SNX29: variants seen among roughly 807,000 people sequenced by gnomAD.
The protein encoded by SNX29 is sorting nexin-29.
A neutral mutation model predicts 102.1 loss-of-function variants in SNX29; 78 were observed. The ratio of observed to expected loss-of-function variants is 0.76; its 90% confidence interval spans 0.64 to 0.92. SNX29 has a LOEUF of 0.92. SNX29 is among the 40% of genes least tolerant of loss of function. The pLI is 0.00. For synonymous variants in SNX29, 580 were observed against 414.5 expected (o/e 1.40, Z -4.85); for missense variants, 1,280 against 1,061.7 (o/e 1.21, Z -2.86).
chr16:12,310,623 C>G (rs529583681), intron 15 of SNX29, among the ~76,000 whole-genome samples: 1 of 152,272 alleles, frequency 6.6e-6, no homozygotes, highest in African/African-American at 2.4e-5. Context: ...TCACTGGCGT[C>G]TGGCGACGGG....
rs954318577 is a variant in SNX29 at position 12,376,270 on chromosome 16, G to A, written c.1899+19991G>A. On this transcript the variant is annotated intron_variant, in intron 16 of 20. Coordinates refer to ENST00000566228, the MANE Select transcript of SNX29 (RefSeq NM_032167.5). Reference sequence around the variant, plus strand: ...GCACCTTTACTGGCCCCCCGGGAGCGAGTTGTCACAGGCTGAATGCCAGGT... The same window carrying A: ...GCACCTTTACTGGCCCCCCGGGAGCAAGTTGTCACAGGCTGAATGCCAGGT... 7.2e-5 allele frequency among the ~76,000 whole-genome samples: 11 copies of A among 152,260 alleles called. No homozygotes were observed. In the East Asian group the frequency reaches 1.2e-3, roughly 16 times the overall value.
intron 14 of SNX29, among the ~76,000 whole-genome samples, chr16:12,255,231 C>CGACG (rs1021082028): frequency 6.6e-6 from 1 of 151,946 alleles, no homozygotes; most frequent in Non-Finnish European, 1.5e-5. Flanking sequence ...AGTCTTGGTG[C>CGACG]GACGCCCAGG....
chr16:12,467,529 C>T lies in SNX29; in HGVS notation c.2038-10190C>T, dbSNP rs74923135. On this transcript the variant is annotated intron_variant, in intron 18 of 20. Coordinates refer to ENST00000566228, the MANE Select transcript of SNX29 (RefSeq NM_032167.5). ...AGAGGGGCAGGACCTGTCAGTAAGA[C>T]ACTCCCTGGCAGTGCTCTCATGGAC... is the stretch of plus-strand genomic sequence containing the variant. Among the ~76,000 whole-genome samples the T allele has an allele frequency of 4.4e-3, 665 of 152,294 alleles. 6 individuals are homozygous for T. Among genetic ancestry groups the T allele is most frequent in the African/African-American group, 0.016 (653 of 41,560 alleles).
At chr16:12,557,016 C>CACCG (rs1555458246) in intron 20 of SNX29, among the ~76,000 whole-genome samples, 1 of 11,916 alleles carries the variant, frequency 8.4e-5, no homozygotes, top group African/African-American at 2.1e-4. Context: ...GGCTAATTTA[C>CACCG]CCCCCCCCCG....
chr16:12,091,926 T>C (rs529873221), intron 11 of SNX29, among the ~76,000 whole-genome samples: 1 of 152,300 alleles, frequency 6.6e-6, no homozygotes, highest in African/African-American at 2.4e-5. Context: ...GACTTCCAGC[T>C]GCCAGAACTG....
chr16:12,260,578 C>T (rs2078704289), intron 14 of SNX29, among the ~76,000 whole-genome samples: 1 of 152,200 alleles, frequency 6.6e-6, no homozygotes, highest in Non-Finnish European at 1.5e-5. Context: ...TGGGGGCATC[C>T]ATGTCCTCCT....
chr16:12,211,920 T>C (rs2077195116), intron 14 of SNX29, among the ~76,000 whole-genome samples: 1 of 152,242 alleles, frequency 6.6e-6, no homozygotes, highest in East Asian at 1.9e-4. Flanking sequence ...GTGAAATATC[T>C]GGGTACTGTG....
Position 12,225,479 on chromosome 16 carries a change from T to G in SNX29, c.1678+25796T>G, listed in dbSNP as rs142341497. Among the ~76,000 whole-genome samples the G allele has an allele frequency of 5.3e-3, 806 of 152,320 alleles. 4 individuals are homozygous for G. The highest frequency in any genetic ancestry group is 0.018 in the African/African-American group (762 of 41,560). ...AACGGGACTTTCCCTGCACAAGCTCTCTCTCTTTGATGTCTGCCATCCACG... is the reference window on the plus strand; with the variant it reads ...AACGGGACTTTCCCTGCACAAGCTCGCTCTCTTTGATGTCTGCCATCCACG... On this transcript the variant is annotated intron_variant, in intron 14 of 20. Coordinates refer to ENST00000566228, the MANE Select transcript of SNX29 (RefSeq NM_032167.5).
At chr16:12,039,609 G>A (rs865925636) in intron 4 of SNX29, among the ~76,000 whole-genome samples, 1 of 152,132 alleles carries the variant, frequency 6.6e-6, no homozygotes, top group Admixed American at 6.6e-5. Context: ...CAAAGCCTTT[G>A]TCACATTTCA....
chr16:12,027,421 G>A lies in SNX29; in HGVS notation c.224G>A (p.Gly75Asp). ...LTAAAIKQAA[G>D]FASKTETEPV... ...GCGGCAGCGATCAAGCAGGCAGCGG[G>A]CTTTGCCAGCAAAACCGAAACAGGT... Residue 75 changes from glycine to aspartate, a missense_variant, in exon 4 of 21, where the codon GGC becomes GAC. Physicochemically the swap from Gly to Asp is moderately conservative, Grantham distance 94 (BLOSUM62 -1). Transcript: ENST00000566228. 6.2e-7 allele frequency: 1 copy of A among 1,614,050 alleles called. No homozygotes were observed. The highest frequency in any genetic ancestry group is 8.5e-7 in the Non-Finnish European group (1 of 1,179,976).
chr16:12,061,276 T>G (rs978582462), intron 8 of SNX29, among the ~76,000 whole-genome samples: 2 of 152,220 alleles, frequency 1.3e-5, no homozygotes, highest in Admixed American at 6.5e-5. Context: ...CAGTATTCAC[T>G]GGCTCTTTTG....
intron 18 of SNX29, among the ~76,000 whole-genome samples, chr16:12,472,318 C>T (rs373023409): frequency 1.1e-4 from 17 of 152,148 alleles, no homozygotes; most frequent in African/African-American, 4.1e-4. Context: ...GCCAGGAGTT[C>T]AAGACCAGCC....
At chr16:12,050,443 T>G (rs753432661) in intron 7 of SNX29, among the ~76,000 whole-genome samples, 18 of 152,202 alleles carry the variant, frequency 1.2e-4, no homozygotes, top group Non-Finnish European at 2.5e-4. Context: ...GTTCGTTACT[T>G]TTTTGTGTGG....
At chr16:12,320,827 A>T (rs2080907769) in intron 15 of SNX29, among the ~76,000 whole-genome samples, 1 of 152,226 alleles carries the variant, frequency 6.6e-6, no homozygotes, top group Non-Finnish European at 1.5e-5. Context: ...AATTCTTTAG[A>T]TGAAAAGGCA....
At position 12,143,567 on chromosome 16, in the gene SNX29, G is replaced by A. The variant is rs544552746; in HGVS notation, c.1595+13809G>A. On this transcript the variant is annotated intron_variant, in intron 13 of 20. Coordinates refer to ENST00000566228, the MANE Select transcript of SNX29 (RefSeq NM_032167.5). ...TCAGGCTCCCTATCTAGAAAACCACGGTGGTAACAGACCCTCCCTTAGAGA... is the reference window on the plus strand; with the variant it reads ...TCAGGCTCCCTATCTAGAAAACCACAGTGGTAACAGACCCTCCCTTAGAGA... Among the ~76,000 whole-genome samples, 8 of 152,242 alleles carry A rather than the reference G, an allele frequency of 5.3e-5. No individual in the cohort carries two copies. The South Asian group carries it at 1.7e-3, about 32-fold the overall frequency.
chr16:12,250,666 G>GA (rs1205065195), intron 14 of SNX29, among the ~76,000 whole-genome samples: 3 of 152,326 alleles, frequency 2.0e-5, no homozygotes, highest in Admixed American at 2.0e-4. Flanking sequence ...TGCCAGAGAT[G>GA]AAAAGCAGGC....
At chr16:12,109,721 C>G (rs2053425927) in intron 11 of SNX29, among the ~76,000 whole-genome samples, 1 of 148,666 alleles carries the variant, frequency 6.7e-6, no homozygotes, top group African/African-American at 2.4e-5. Context: ...ACCTGTTGAG[C>G]TTCCATTGCC....
At chr16:12,487,680 G>C (rs1231774804) in intron 19 of SNX29, among the ~76,000 whole-genome samples, 1 of 152,166 alleles carries the variant, frequency 6.6e-6, no homozygotes, top group East Asian at 1.9e-4. Flanking sequence ...CAATTCAGAA[G>C]ATGGTGGGAC....
chr16:12,548,061 C>T (rs963108298), intron 20 of SNX29, among the ~76,000 whole-genome samples: 1 of 152,180 alleles, frequency 6.6e-6, no homozygotes, highest in Non-Finnish European at 1.5e-5. Context: ...CTGGCACACA[C>T]ACGGTCAGGC....
Sources: allele counts gnomAD v4.1 joint callset (sites outside exome capture counted in the v4.1 genomes callset), GRCh38; gene constraint gnomAD v4.1.1; transcripts MANE v1.5; gene names NCBI Gene and HGNC (gene_info 2026-07-23, HGNC 2026-07-21).